Variants in SH2B2 observed in about 807,000 individuals in gnomAD.
SH2B2 encodes SH2B adapter protein 2.
A neutral mutation model predicts 35.7 loss-of-function variants in SH2B2; 37 were observed. That is an observed-to-expected ratio of 1.04 (90% CI 0.80 to 1.36). The LOEUF is 1.36. Among genes scored for constraint, SH2B2 ranks in the 40% most tolerant of loss-of-function variants. SH2B2 has a pLI of 0.00. For synonymous variants in SH2B2, 383 were observed against 376.4 expected (o/e 1.02, Z -0.20); for missense variants, 852 against 817.7 (o/e 1.04, Z -0.51).
In SH2B2 at chr7:102,317,295, T is replaced by C. The variant is rs1793880411; in HGVS notation, c.1295T>C (p.Leu432Pro). ...LSRVKAAQLV[L>P]AGGPRNHGLF... is the part of the protein sequence containing the mutation. ...CGGGTCAAGGCTGCTCAACTGGTTC[T>C]GGCAGGGGGGCCCCGGAACCACGGC... The change falls in exon 7 of 9, where the codon CTG (leucine) becomes CCG (proline). Residue 432 changes from leucine (L) to proline (P), a missense_variant. Coordinates refer to ENST00000444095, the MANE Select transcript of SH2B2 (RefSeq NM_001359228.2). 6.2e-7 allele frequency: 1 copy of C among 1,613,642 alleles called. No individual in the cohort carries two copies. Among genetic ancestry groups the C allele is most frequent in the South Asian group, 1.1e-5 (1 of 91,078 alleles).
chr7:102,313,496 G>A (rs1267469155), intron 4 of SH2B2, among the ~76,000 whole-genome samples: 3 of 152,048 alleles, frequency 2.0e-5, no homozygotes, highest in Non-Finnish European at 2.9e-5. Context: ...TATGTTGCCC[G>A]AGCTGATCTC....
At chr7:102,302,694 G>T (rs1362663840) in intron 2 of SH2B2, among the ~76,000 whole-genome samples, 1 of 152,230 alleles carries the variant, frequency 6.6e-6, no homozygotes, top group African/African-American at 2.4e-5. Context: ...AGAAGAGAGC[G>T]CAGACAGATG....
rs1554557295 is a variant in SH2B2, at chr7:102,317,394, A to T, written c.1394A>T (p.Lys465Met). Residue 465 changes from lysine (K) to methionine (M), a missense_variant and splice_region_variant, in exon 7 of 9, where the codon AAG (lysine) becomes ATG (methionine). Around this residue, in one of 3 missense-constraint regions of SH2B2, gnomAD observed 556 missense variants for 514.5 expected, o/e 1.08. Coordinates refer to ENST00000444095, the MANE Select transcript of SH2B2 (RefSeq NM_001359228.2). ...VLTFNFQGKAKHLRLSLNGHG... is the reference protein window; with the variant it reads ...VLTFNFQGKAMHLRLSLNGHG... ...ACCTTCAACTTCCAGGGCAAGGCCA[A>T]GGCAAGTGTGTGGGGGGCGCCATGG... 1 of 1,570,510 alleles carries T rather than the reference A, an allele frequency of 6.4e-7. No individual in the cohort carries two copies. Among genetic ancestry groups the T allele is most frequent in the Non-Finnish European group, 8.7e-7 (1 of 1,150,990 alleles).
At position 102,314,527 on chromosome 7, in the gene SH2B2, G is replaced by A. The variant is rs1417426892; in HGVS notation, c.1031G>A (p.Arg344His). Residue 344 changes from arginine to histidine, a missense_variant, in exon 6 of 9, where the codon CGC (arginine) becomes CAC (histidine). Physicochemically the swap from Arg to His is conservative, Grantham distance 29. Coordinates refer to ENST00000444095, the MANE Select transcript of SH2B2 (RefSeq NM_001359228.2). ...ACTTCCCCAGCAGTCGACCTGCCCC[G>A]CCCCCCAGAGACGACAGCCGTGGGT... is the stretch of plus-strand genomic sequence containing the variant. ...ELLTDAVDLP[R>H]PPETTAVGAV... 21 of 398,666 alleles carry A rather than the reference G, an allele frequency of 5.3e-5. No homozygotes were observed. The highest frequency in any genetic ancestry group is 2.8e-4 in the East Asian group (8 of 28,084). The allele number at this position is 398,666 out of a possible 1,614,324, so 24.7% of individuals were successfully genotyped here.
chr7:102,305,893 C>CCTT (rs1563558336), intron 2 of SH2B2, among the ~76,000 whole-genome samples: 1 of 107,306 alleles, frequency 9.3e-6, no homozygotes. Context: ...TTTTTTTTTT[C>CCTT]TTTTTTTTTT....
chr7:102,319,940 A>C (rs571799319), intron 7 of SH2B2, among the ~76,000 whole-genome samples: 1 of 152,000 alleles, frequency 6.6e-6, no homozygotes, highest in South Asian at 2.1e-4. Context: ...GGAACCACCC[A>C]AACAGGAGTT....
At chr7:102,312,993 G>A (rs1793681717) in intron 4 of SH2B2, among the ~76,000 whole-genome samples, 1 of 151,954 alleles carries the variant, frequency 6.6e-6, no homozygotes, top group South Asian at 2.1e-4. Flanking sequence ...GCCGGGCGTG[G>A]TGGTACATGC....
At chr7:102,296,990 A>C (rs150944916) in intron 1 of SH2B2, among the ~76,000 whole-genome samples, 241 of 152,242 alleles carry the variant, frequency 1.6e-3, no homozygotes, top group African/African-American at 4.8e-3. Flanking sequence ...AAAAAAAACA[A>C]AAAACAAAAA....
chr7:102,307,716 G>A lies in SH2B2; in HGVS notation c.831+894G>A, dbSNP rs557015928. Among the ~76,000 whole-genome samples, 109 of 151,648 alleles carry A rather than the reference G, an allele frequency of 7.2e-4. 1 individual carries two copies. The highest frequency in any genetic ancestry group is 1.7e-3 in the South Asian group (8 of 4,778). ...CAGAGCGGGATTAAAGGCAGTCTCCGAGAACCCTCCCAGCTCTGTCATCCT... is the reference window on the plus strand; with the variant it reads ...CAGAGCGGGATTAAAGGCAGTCTCCAAGAACCCTCCCAGCTCTGTCATCCT... On this transcript the variant is annotated intron_variant, in intron 3 of 8. Coordinates refer to ENST00000444095, the MANE Select transcript of SH2B2 (RefSeq NM_001359228.2).
upstream of SH2B2, chr7:102,285,278 G>C (rs1554550671): frequency 6.6e-7 from 1 of 1,525,292 alleles, no homozygotes; most frequent in Non-Finnish European, 8.9e-7. Context: ...CCGCGGGTCA[G>C]GCTCTCCCCT....
intron 2 of SH2B2, among the ~76,000 whole-genome samples, chr7:102,301,851 G>A (rs1554554028): frequency 6.6e-6 from 1 of 151,956 alleles, no homozygotes; most frequent in African/African-American, 2.4e-5. Context: ...GATTACAGTC[G>A]TGAGCCACCA....
chr7:102,309,355 C>CTCTT, intron 4 of SH2B2: 4 of 184,140 alleles, frequency 2.2e-5, no homozygotes, highest in Admixed American at 8.1e-5. Context: ...CTCTCTCTCT[C>CTCTT]TTTTTTTTTT....
intron 4 of SH2B2, 72 bp downstream of exon 4, chr7:102,308,978 A>G (rs1793509815): frequency 8.2e-7 from 1 of 1,212,264 alleles, no homozygotes; most frequent in African/African-American, 1.5e-5. Context: ...CACCAGGAGC[A>G]GCTTCCTAGC....
In SH2B2 at chr7:102,321,620, CCTT is replaced by C. The variant is rs1408276941; in HGVS notation, c.1892_1894del (p.Phe631del). Reference sequence around the variant, plus strand: ...GCGCGCGCCGTGGAGAACCAGTACTCCTTCTACTAGCCCGCGGCGCCGCCCGGG... The same window carrying C: ...GCGCGCGCCGTGGAGAACCAGTACTCCTACTAGCCCGCGGCGCCGCCCGGG... On this transcript the variant is annotated inframe_deletion, in exon 9 of 9. Coordinates refer to ENST00000444095, the MANE Select transcript of SH2B2 (RefSeq NM_001359228.2). 1.4e-4 allele frequency: 160 copies of C among 1,153,576 alleles called. 2 individuals carry two copies. The Admixed American group carries it at 2.1e-3, about 15-fold the overall frequency. 71.5% of individuals were successfully genotyped at this position (1,153,576 alleles called of 1,614,324 possible).
intron 1 of SH2B2, among the ~76,000 whole-genome samples, chr7:102,299,921 T>C (rs1480466310): frequency 1.3e-5 from 2 of 152,104 alleles, no homozygotes; most frequent in Non-Finnish European, 2.9e-5. Context: ...GCCTCCCCAG[T>C]TGTCTTTCTC....
At chr7:102,307,035 C>T (rs1793431462) in intron 3 of SH2B2, among the ~76,000 whole-genome samples, 2 of 152,254 alleles carry the variant, frequency 1.3e-5, no homozygotes, top group South Asian at 2.1e-4. Flanking sequence ...GTGCCTCGGG[C>T]GTCGCCCAAC....
Position 102,301,061 on chromosome 7 carries a change from C to A in SH2B2, c.511C>A (p.Pro171Thr), listed in dbSNP as rs1445417427. 5.1e-6 allele frequency: 7 copies of A among 1,380,610 alleles called. No individual in the cohort carries two copies. In the Admixed American group the frequency reaches 1.9e-4, roughly 37 times the overall value. The allele number at this position is 1,380,610 out of a possible 1,614,324, so 85.5% of individuals were successfully genotyped here. The change falls in exon 2 of 9, where the codon CCC (proline) becomes ACC (threonine). Residue 171 changes from proline to threonine, a missense_variant. Pro to Thr is a conservative substitution (Grantham distance 38). Coordinates refer to ENST00000444095, the MANE Select transcript of SH2B2 (RefSeq NM_001359228.2). ...GGCAGCTGCCCCGCGCACCGCCGAG[C>A]CCCGCGACAAGTGGACGCGGCGCCT... ...DAAAAPRTAE[P>T]RDKWTRRLRL...
At chr7:102,304,261 C>T (rs1461169675) in intron 2 of SH2B2, among the ~76,000 whole-genome samples, 1 of 152,172 alleles carries the variant, frequency 6.6e-6, no homozygotes, top group African/African-American at 2.4e-5. Context: ...ATTTCCCTCT[C>T]ACACAGCCTT....
chr7:102,300,649 G>A lies in SH2B2; in HGVS notation c.99G>A (p.Ala33=). Residue 33 remains alanine (A), a synonymous_variant, in exon 2 of 9, where the codon GCG becomes GCA. Coordinates refer to ENST00000444095, the MANE Select transcript of SH2B2 (RefSeq NM_001359228.2). The stretch of plus-strand genomic sequence containing the variant: ...AGTTCTGCGAGCTGCATGCGCAGGC[G>A]GCCGCCGTGGACTTTGCGCACAAGT... ...WRQFCELHAQ[A]AAVDFAHKFC... The A allele has an allele frequency of 1.3e-6, 2 of 1,549,844 alleles. No individual in the cohort carries two copies. The highest frequency in any genetic ancestry group is 1.7e-6 in the Non-Finnish European group (2 of 1,145,424).
Sources: allele counts gnomAD v4.1 joint callset (sites outside exome capture counted in the v4.1 genomes callset), GRCh38; gene constraint gnomAD v4.1.1; regional missense constraint gnomAD v4.1.1; transcripts MANE v1.5; gene names NCBI Gene and HGNC (gene_info 2026-07-23, HGNC 2026-07-21).